The following CDH4 variants were observed in gnomAD, a reference collection of about 807,000 sequenced individuals.
The protein encoded by CDH4 is cadherin-4.
In CDH4, 33 loss-of-function variants were observed where a neutral mutation model predicts 86.0. The observed-to-expected ratio is 0.38, with a 90% CI of 0.29 to 0.51. CDH4 has a LOEUF of 0.51. CDH4 is among the 20% of genes least tolerant of loss of function. The pLI is 0.86. For synonymous variants in CDH4, 555 were observed against 549.4 expected (o/e 1.01, Z -0.14); for missense variants, 1,114 against 1,307.4 (o/e 0.85, Z 2.28).
At chr20:61,813,397 T>C (rs1268707521) in intron 4 of CDH4, among the ~76,000 whole-genome samples, 3 of 152,182 alleles carry the variant, frequency 2.0e-5, no homozygotes, top group Non-Finnish European at 2.9e-5. Flanking sequence ...CATGTGCTGA[T>C]AGCAGGAGCT....
chr20:61,381,475 T>C (rs1189550601), intron 2 of CDH4, among the ~76,000 whole-genome samples: 1 of 152,226 alleles, frequency 6.6e-6, no homozygotes, highest in East Asian at 1.9e-4. Context: ...GAGATTTTTT[T>C]TCAGTTTTTG....
chr20:61,626,430 G>A (rs1026647570), intron 2 of CDH4, among the ~76,000 whole-genome samples: 2 of 151,736 alleles, frequency 1.3e-5, no homozygotes, highest in African/African-American at 4.9e-5. Context: ...GTGTGTGTGT[G>A]TGCACGTGAC....
chr20:61,370,051 A>AG (rs2084831804), intron 2 of CDH4: 1 of 152,382 alleles, frequency 6.6e-6, no homozygotes, highest in Non-Finnish European at 1.5e-5. Flanking sequence ...TGAGCCATGC[A>AG]GGGCCCCAGC....
intron 2 of CDH4, among the ~76,000 whole-genome samples, chr20:61,259,202 G>A (rs1177881373): frequency 1.3e-5 from 2 of 152,238 alleles, no homozygotes; most frequent in Non-Finnish European, 2.9e-5. Context: ...CATTCAGACA[G>A]AGGCATGGTT....
At chr20:61,458,621 G>T (rs1211602948) in intron 2 of CDH4, among the ~76,000 whole-genome samples, 1 of 152,100 alleles carries the variant, frequency 6.6e-6, no homozygotes, top group African/African-American at 2.4e-5. Flanking sequence ...AATGACTGGT[G>T]ACAGTAGTGG....
chr20:61,296,255 ATGTGTGCG>A, intron 2 of CDH4, among the ~76,000 whole-genome samples: 1 of 32,570 alleles, frequency 3.1e-5, no homozygotes, highest in African/African-American at 6.4e-5. Flanking sequence ...GTGTGTGTGC[ATGTGTGCG>A]TGTGTGTGTG....
chr20:61,276,201 G>A (rs1040371628), intron 2 of CDH4, among the ~76,000 whole-genome samples: 1 of 152,140 alleles, frequency 6.6e-6, no homozygotes, highest in African/African-American at 2.4e-5. Flanking sequence ...AGCTTGACTT[G>A]GATTTTATTA....
intron 2 of CDH4, among the ~76,000 whole-genome samples, chr20:61,686,700 T>TGTGCGTGTGCATTCCC (rs2087582486): frequency 6.6e-6 from 1 of 151,926 alleles, no homozygotes; most frequent in Non-Finnish European, 1.5e-5. Context: ...CATGTGTGTA[T>TGTGCGTGTGCATTCCC]GTGCGTGTGC....
chr20:61,432,049 T>G (rs1374912086), intron 2 of CDH4, among the ~76,000 whole-genome samples: 1 of 152,224 alleles, frequency 6.6e-6, no homozygotes, highest in Non-Finnish European at 1.5e-5. Flanking sequence ...CCCCTTCTGA[T>G]GTGCACTCTG....
chr20:61,940,291 A>C lies in CDH4; in HGVS notation c.*3348A>C, dbSNP rs2055248313. 6.6e-6 allele frequency: 1 copy of C among 152,040 alleles called. No homozygotes were observed. Among genetic ancestry groups the C allele is most frequent in the Non-Finnish European group, 1.5e-5 (1 of 68,010 alleles). The allele number at this position is 152,040 out of a possible 1,614,324, so 9.4% of individuals were successfully genotyped here. On this transcript the variant is annotated 3_prime_UTR_variant, in exon 16 of 16. Transcript: ENST00000614565. ...GCATGTTTCTTTTTGAAATGGGCAA[A>C]ATGTGTAGCAGCCTGCATGAGCACA...
intron 3 of CDH4, among the ~76,000 whole-genome samples, chr20:61,765,068 GAC>G (rs570053563): frequency 2.6e-3 from 389 of 152,288 alleles, no homozygotes; most frequent in Non-Finnish European, 4.5e-3. Context: ...GCACCTTGTA[GAC>G]ACATCCCTGG....
chr20:61,483,209 A>G lies in CDH4; in HGVS notation c.169+228272A>G, dbSNP rs2085577538. ...GATGAAAAGAGAGAGTGCTTGAGCT[A>G]CCCTTGAGAGGAGAGAGAGTGGTTT... is the stretch of plus-strand genomic sequence containing the variant. On this transcript the variant is annotated intron_variant, in intron 2 of 15. Transcript: ENST00000614565. Among the ~76,000 whole-genome samples, 4 of 152,164 alleles carry G rather than the reference A, an allele frequency of 2.6e-5. No homozygotes were observed. In the South Asian group the frequency reaches 6.2e-4, roughly 24 times the overall value.
chr20:61,873,313 C>T (rs546222708), intron 6 of CDH4, among the ~76,000 whole-genome samples: 2 of 152,344 alleles, frequency 1.3e-5, no homozygotes, highest in South Asian at 4.1e-4. Flanking sequence ...GCCTGAGTCC[C>T]TTCCTTTAAG....
At chr20:61,330,788 T>C (rs2084568632) in intron 2 of CDH4, among the ~76,000 whole-genome samples, 1 of 152,192 alleles carries the variant, frequency 6.6e-6, no homozygotes, top group Non-Finnish European at 1.5e-5. Context: ...TGCACGGCTC[T>C]TTGCAAAATT....
At chr20:61,888,243 T>TAGTGG (rs1984635273) in intron 7 of CDH4, among the ~76,000 whole-genome samples, 2 of 152,128 alleles carry the variant, frequency 1.3e-5, no homozygotes, top group Non-Finnish European at 2.9e-5. Context: ...TCCCGGCCCC[T>TAGTGG]CACCAAGGTG....
Position 61,676,567 on chromosome 20 carries a change from G to A in CDH4, c.170-66996G>A, listed in dbSNP as rs1015303257. ...GGATGGGTCTGCTTGGAGACCCCGG[G>A]TCAGGCTGTGACAGTGCCCTGGCTC... On this transcript the variant is annotated intron_variant, in intron 2 of 15. Coordinates refer to ENST00000614565, the MANE Select transcript of CDH4 (RefSeq NM_001794.5). This position sits in a 1 kb window ranked among gnomAD's most constrained non-coding sequence, Gnocchi z 4.5. 1.3e-5 allele frequency among the ~76,000 whole-genome samples: 2 copies of A among 152,078 alleles called. No individual in the cohort carries two copies. The highest frequency in any genetic ancestry group is 2.9e-5 in the Non-Finnish European group (2 of 68,024).
At chr20:61,421,442 C>T (rs1297155817) in intron 2 of CDH4, among the ~76,000 whole-genome samples, 1 of 152,168 alleles carries the variant, frequency 6.6e-6, no homozygotes, top group African/African-American at 2.4e-5. Flanking sequence ...TTTCTGGATG[C>T]TTTCATTGAT....
Position 61,392,402 on chromosome 20 carries a change from C to G in CDH4, c.169+137465C>G, listed in dbSNP as rs1013062358. On this transcript the variant is annotated intron_variant, in intron 2 of 15. Transcript: ENST00000614565. The surrounding 1 kb of genome is among the most constrained non-coding windows in gnomAD (Gnocchi z 5.7). ...ATCACAGGGCGCCACCGGGATGGAA[C>G]GCACGGCGCCCCGACGTGATTTTCC... Among the ~76,000 whole-genome samples the G allele has an allele frequency of 6.6e-6, 1 of 152,166 alleles. No individual in the cohort carries two copies. The highest frequency in any genetic ancestry group is 2.4e-5 in the African/African-American group (1 of 41,452).
intron 2 of CDH4, among the ~76,000 whole-genome samples, chr20:61,400,284 T>C (rs1055721407): frequency 6.6e-6 from 1 of 152,162 alleles, no homozygotes; most frequent in East Asian, 1.9e-4. Context: ...TTTCCTGTGA[T>C]CAACAGGACC....
Sources: allele counts gnomAD v4.1 joint callset (sites outside exome capture counted in the v4.1 genomes callset), GRCh38; gene constraint gnomAD v4.1.1; non-coding constraint Gnocchi (gnomAD v3.1); transcripts MANE v1.5; gene names NCBI Gene and HGNC (gene_info 2026-07-23, HGNC 2026-07-21).